Variants in LCORL observed in about 807,000 individuals in gnomAD.
The protein encoded by LCORL is ligand-dependent nuclear receptor corepressor-like protein.
A neutral mutation model predicts 141.8 loss-of-function variants in LCORL; 41 were observed. That is an observed-to-expected ratio of 0.29 (90% confidence interval 0.23 to 0.38). The LOEUF (loss-of-function observed/expected upper bound fraction) is 0.38. Ranked by LOEUF, LCORL falls within the 10% of genes least tolerant of loss-of-function variation. LCORL has a pLI of 1.00. For synonymous variants in LCORL, 618 were observed against 694.1 expected (o/e 0.89, Z 1.72); for missense variants, 1,759 against 2,035.0 (o/e 0.86, Z 2.61).
chr4:18,021,553 C>T lies in LCORL; in HGVS notation c.154+45G>A. 5 of 1,483,662 alleles carry T rather than the reference C, an allele frequency of 3.4e-6. No individual in the cohort carries two copies. The highest frequency in any genetic ancestry group is 1.5e-5 in the African/African-American group (1 of 67,886). 91.9% of individuals were successfully genotyped at this position (1,483,662 alleles called of 1,614,324 possible). A position where few individuals can be genotyped will look rare whatever the true frequency, so the allele number is the denominator to read the frequency against. On this transcript the variant is annotated intron_variant, in intron 1 of 7. Transcript: ENST00000635767. This position sits in a 1 kb window ranked among gnomAD's most constrained non-coding sequence, Gnocchi z 5.5. ...CCACAAACTCCTCGGGCTGCGACAGCGGTCGCCGCGCGGAGCCCGGGGCCC... is the reference window on the plus strand; with the variant it reads ...CCACAAACTCCTCGGGCTGCGACAGTGGTCGCCGCGCGGAGCCCGGGGCCC...
chr4:17,996,433 T>C (rs1051503436), intron 1 of LCORL, among the ~76,000 whole-genome samples: 4 of 152,044 alleles, frequency 2.6e-5, no homozygotes, highest in Non-Finnish European at 4.4e-5. Context: ...TTATAAAAGA[T>C]ACCTAGTAAA....
chr4:17,943,196 G>A (rs1431456702), intron 4 of LCORL, among the ~76,000 whole-genome samples: 1 of 152,050 alleles, frequency 6.6e-6, no homozygotes, highest in African/African-American at 2.4e-5. Context: ...TCTCCCTATT[G>A]TATCTCCACC....
chr4:17,888,028 T>C (rs1728535691), intron 5 of LCORL, among the ~76,000 whole-genome samples: 1 of 152,124 alleles, frequency 6.6e-6, no homozygotes, highest in Admixed American at 6.6e-5. Flanking sequence ...TAACACTTAC[T>C]TACAGTATTT....
chr4:17,958,413 A>T (rs1713107260), intron 4 of LCORL, among the ~76,000 whole-genome samples: 1 of 152,008 alleles, frequency 6.6e-6, no homozygotes, highest in Admixed American at 6.6e-5. Flanking sequence ...GCAGCCTTCA[A>T]TTTAAAAATA....
chr4:17,909,136 C>T (rs1331631974), exon 5 of LCORL: 1 of 1,612,864 alleles, frequency 6.2e-7, no homozygotes, highest in Non-Finnish European at 8.5e-7. Context: ...ACAGTGAGGT[C>T]TAAGGGGCCT....
chr4:17,974,130 A>C (rs1457766086), intron 1 of LCORL, among the ~76,000 whole-genome samples: 1 of 152,078 alleles, frequency 6.6e-6, no homozygotes, highest in African/African-American at 2.4e-5. Context: ...TCTATTTTAG[A>C]GTAGAAGATA....
rs911063242 is a variant in LCORL, at chr4:18,021,844, C to T, written c.-93G>A. ...CTCGGCGCGAGCCCCGGAGCGCGCG[C>T]CCCCCGGAGGGGGGTTGATTGACAC... On this transcript the variant is annotated 5_prime_UTR_variant, in exon 1 of 8. Coordinates refer to ENST00000635767, the Ensembl canonical transcript of LCORL. This position sits in a 1 kb window ranked among gnomAD's most constrained non-coding sequence, Gnocchi z 5.5. The T allele has an allele frequency of 9.5e-6, 13 of 1,368,000 alleles. No homozygotes were observed. Among genetic ancestry groups the T allele is most frequent in the African/African-American group, 6.2e-5 (4 of 64,726 alleles). 84.7% of individuals were successfully genotyped at this position (1,368,000 alleles called of 1,614,324 possible).
chr4:18,018,357 A>C (rs924520870), intron 1 of LCORL, among the ~76,000 whole-genome samples: 1 of 152,168 alleles, frequency 6.6e-6, no homozygotes, highest in Non-Finnish European at 1.5e-5. Flanking sequence ...AACACAGTAC[A>C]GTATAGGATA....
exon 7 of LCORL, chr4:17,875,099 G>C (rs1726775992): frequency 8.1e-7 from 1 of 1,233,372 alleles, no homozygotes; most frequent in Non-Finnish European, 1.0e-6. Context: ...TGCACTGTTG[G>C]TCATACTTTT....
chr4:17,874,272 A>G, exon 7 of LCORL: 1 of 1,233,954 alleles, frequency 8.1e-7, no homozygotes, highest in Non-Finnish European at 1.0e-6. Context: ...TTTATGCAGT[A>G]TATGCAATTT....
chr4:18,010,860 AT>A (rs1349465441), intron 1 of LCORL, among the ~76,000 whole-genome samples: 1 of 152,174 alleles, frequency 6.6e-6, no homozygotes, highest in Non-Finnish European at 1.5e-5. Context: ...CCCTGCAAAA[AT>A]TAACAGCCAT....
intron 2 of LCORL, among the ~76,000 whole-genome samples, chr4:17,968,895 A>C (rs1468789933): frequency 1.3e-5 from 2 of 152,232 alleles, no homozygotes; most frequent in African/African-American, 4.8e-5. Flanking sequence ...TGTAACTTGC[A>C]AATCTCTGAT....
chr4:17,961,927 G>A (rs1409604755), exon 4 of LCORL: 2 of 1,610,282 alleles, frequency 1.2e-6, no homozygotes, highest in Admixed American at 1.7e-5. Flanking sequence ...AGTGCATTTA[G>A]GTAATTTTCT....
intron 1 of LCORL, among the ~76,000 whole-genome samples, chr4:17,997,793 T>C (rs969652490): frequency 6.6e-6 from 1 of 151,178 alleles, no homozygotes; most frequent in Non-Finnish European, 1.5e-5. Context: ...TTGTTAGTAA[T>C]GGACACAATG....
chr4:17,912,968 T>A, intron 4 of LCORL: 1 of 436,178 alleles, frequency 2.3e-6, no homozygotes. Context: ...ACCAAAGTTC[T>A]AAAACATTAA....
chr4:17,883,293 A>C, intron 6 of LCORL: 2 of 990,478 alleles, frequency 2.0e-6, no homozygotes, highest in Non-Finnish European at 2.4e-6. Context: ...TCTGTTGTAT[A>C]GAATGTTTAT....
chr4:17,858,745 A>G (rs1413206053), intron 7 of LCORL, among the ~76,000 whole-genome samples: 1 of 151,348 alleles, frequency 6.6e-6, no homozygotes, highest in East Asian at 1.9e-4. Context: ...TAATAATAAT[A>G]ATAATAATAA....
rs201471488 is a variant in LCORL, at chr4:17,938,003, CT to C, written c.430+23899del. Among the ~76,000 whole-genome samples the C allele has an allele frequency of 9.3e-3, 1,227 of 131,528 alleles. 7 individuals are homozygous for C. The highest frequency in any genetic ancestry group is 0.028 in the African/African-American group (977 of 34,920). 86.3% of individuals were successfully genotyped at this position (131,528 alleles called of 152,430 possible). A position where few individuals can be genotyped will look rare whatever the true frequency, so the allele number is the denominator to read the frequency against. ...TTAGACTTATAAATTTAAACAATTT[CT>C]TTTTTTTTTTTTTTTTTGAGACAGA... On this transcript the variant is annotated intron_variant, in intron 4 of 7. Transcript: ENST00000635767.
At chr4:17,984,317 T>G (rs1424370729) in intron 1 of LCORL, among the ~76,000 whole-genome samples, 2 of 152,134 alleles carry the variant, frequency 1.3e-5, no homozygotes, top group Non-Finnish European at 2.9e-5. Context: ...CTTCCTATAT[T>G]TTTTGGAAGA....
Sources: gnomAD v4.1 joint callset for allele counts (sites outside exome capture counted in the v4.1 genomes callset) on GRCh38, gnomAD v4.1.1 for gene constraint, Gnocchi (gnomAD v3.1) non-coding constraint, MANE v1.5 for transcripts, NCBI Gene and HGNC (gene_info 2026-07-23, HGNC 2026-07-21) for gene names.